The following SYNE2 variants were observed in gnomAD, a reference collection of about 807,000 sequenced individuals.
SYNE2 encodes the protein nesprin-2.
A neutral mutation model predicts 856.3 loss-of-function variants in SYNE2; 431 were observed. That is an observed-to-expected ratio of 0.50 (90% CI 0.47 to 0.55). The LOEUF is 0.55. SYNE2 is among the 20% of genes least tolerant of loss of function. The pLI is 0.00. For synonymous variants in SYNE2, 2,923 were observed against 2,872.3 expected, an observed-to-expected ratio of 1.02 and a Z score of -0.56; for missense variants, 8,129 against 8,023.2, an observed-to-expected ratio of 1.01 and a Z score of -0.50.
chr14:64,082,857 AT>A (rs1478675947), intron 57 of SYNE2, among the ~76,000 whole-genome samples: 2 of 152,210 alleles, frequency 1.3e-5, no homozygotes, highest in Non-Finnish European at 2.9e-5. Context: ...TACTCCACAC[AT>A]GCCCCACGTG....
rs112709560 is a variant in SYNE2, at chr14:63,772,250, G to T, written c.-305+10264G>T. Among the ~76,000 whole-genome samples, 1,094 of 151,770 alleles carry T rather than the reference G, an allele frequency of 7.2e-3. 16 individuals carry two copies. Among genetic ancestry groups the T allele is most frequent in the South Asian group, 0.022 (106 of 4,798 alleles). On this transcript the variant is annotated intron_variant, in intron 1 of 23. Coordinates refer to the SYNE2 transcript ENST00000674003. ...GCACCTGTGGTACCAGCTACTTGGG[G>T]GGCTGAGGTGGGAGGATTGCTTGAG... is the stretch of plus-strand genomic sequence containing the variant.
At chr14:64,098,680 T>C (rs768464583) in intron 62 of SYNE2, 67 bp from the exon 63 acceptor site, 3 of 1,542,606 alleles carry the variant, frequency 1.9e-6, no homozygotes, top group Non-Finnish European at 2.7e-6. Context: ...AAAATGCAGC[T>C]GGACTGGGAT....
At chr14:63,777,514 A>G (rs935803183) in intron 1 of SYNE2, among the ~76,000 whole-genome samples, 1 of 152,148 alleles carries the variant, frequency 6.6e-6, no homozygotes, top group African/African-American at 2.4e-5. Context: ...CCCTGCCTCA[A>G]ACAAAACAAA....
intron 98 of SYNE2, 106 bp downstream of exon 98, chr14:64,188,814 C>T (rs2098504122): frequency 8.0e-7 from 1 of 1,243,382 alleles, no homozygotes; most frequent in Admixed American, 1.9e-5. Flanking sequence ...TTTCCAGTAG[C>T]ATTTTAGAAA....
chr14:64,215,294 A>C lies in SYNE2; in HGVS notation c.19342A>C (p.Ile6448Leu), dbSNP rs746943422. The C allele has an allele frequency of 6.2e-7, 1 of 1,614,056 alleles. No individual in the cohort carries two copies. The highest frequency in any genetic ancestry group is 8.5e-7 in the Non-Finnish European group (1 of 1,180,036). ...PYYSALSDVE[I>L]PENPEAYLKM... The stretch of plus-strand genomic sequence containing the variant: ...ACATTGTTCTTTTTCAGATGTAGAA[A>C]TCCCTGAAAATCCTGAGGCATATCT... The change falls in exon 107 of 116, where the codon ATC (isoleucine) becomes CTC (leucine). Residue 6448 changes from isoleucine to leucine, a missense_variant. By Grantham distance (5) the Ile-to-Leu change is conservative. This residue lies in a region of SYNE2 where 5,410 missense variants were observed against 5,284.8 expected (regional missense o/e 1.02). Transcript: ENST00000555002.
intron 2 of SYNE2, among the ~76,000 whole-genome samples, chr14:63,935,771 C>T (rs1004416996): frequency 3.3e-5 from 5 of 152,144 alleles, no homozygotes; most frequent in East Asian, 3.9e-4. Context: ...TCCAGCGCTT[C>T]GGGAGGCCAA....
In SYNE2 at chr14:64,172,608, A is replaced by G. The variant is rs111864355; in HGVS notation, c.17235+2146A>G. Among the ~76,000 whole-genome samples the G allele has an allele frequency of 7.1e-4, 108 of 152,270 alleles. 1 individual carries two copies. The highest frequency in any genetic ancestry group is 2.5e-3 in the African/African-American group (104 of 41,556). ...CTGCCACACTCTAACAATGAAGGCT[A>G]TCATATGTGTCCACATGAGTTTGAG... On this transcript the variant is annotated intron_variant, in intron 94 of 115. Coordinates refer to ENST00000555002, the MANE Select transcript of SYNE2 (RefSeq NM_182914.3).
chr14:63,993,664 A>G (rs2096687580), intron 21 of SYNE2, among the ~76,000 whole-genome samples, 171 bp from the exon 22 acceptor site: 1 of 152,236 alleles, frequency 6.6e-6, no homozygotes, highest in South Asian at 2.1e-4. Flanking sequence ...TCAAAGGGCT[A>G]GCAACCTCGA....
At chr14:64,051,005 A>G (rs1281450029) in intron 47 of SYNE2, among the ~76,000 whole-genome samples, 4 of 150,626 alleles carry the variant, frequency 2.7e-5, no homozygotes, top group Non-Finnish European at 5.9e-5. Context: ...TGGGTGACAG[A>G]GTGAGACTCT....
At chr14:63,836,214 G>C (rs372697130) in intron 1 of SYNE2, among the ~76,000 whole-genome samples, 7 of 152,056 alleles carry the variant, frequency 4.6e-5, no homozygotes, top group African/African-American at 1.7e-4. Context: ...TGTAGAGATG[G>C]GGTTTCACCA....
At chr14:64,087,263 A>AT (rs891736434) in intron 57 of SYNE2, among the ~76,000 whole-genome samples, 2 of 152,098 alleles carry the variant, frequency 1.3e-5, no homozygotes, top group African/African-American at 4.8e-5. Context: ...CCTATCAGTT[A>AT]TTTTTTATGG....
intron 96 of SYNE2, among the ~76,000 whole-genome samples, chr14:64,181,147 T>C (rs1001523409): frequency 1.3e-5 from 2 of 152,316 alleles, no homozygotes; most frequent in South Asian, 2.1e-4. Context: ...CTTCAGAACA[T>C]TGTTAAGCAG....
intron 2 of SYNE2, among the ~76,000 whole-genome samples, chr14:63,922,264 C>G (rs1595654942): frequency 6.6e-6 from 1 of 152,302 alleles, no homozygotes; most frequent in East Asian, 1.9e-4. Context: ...CTCAGCCTCC[C>G]AAAGTGCTGA....
chr14:64,125,236 C>T (rs766268901), intron 71 of SYNE2, 26 bp downstream of exon 71: 5 of 1,613,622 alleles, frequency 3.1e-6, no homozygotes, highest in Non-Finnish European at 4.2e-6. Flanking sequence ...AATGTGTTTT[C>T]CTCATTGTAA....
Position 64,182,934 on chromosome 14 carries a change from G to T in SYNE2, c.17557-3490G>T, listed in dbSNP as rs1051089302. Among the ~76,000 whole-genome samples, 12 of 152,182 alleles carry T rather than the reference G, an allele frequency of 7.9e-5. No homozygotes were observed. In the East Asian group the frequency reaches 2.1e-3, roughly 27 times the overall value. On this transcript the variant is annotated intron_variant, in intron 96 of 115. Coordinates refer to ENST00000555002, the MANE Select transcript of SYNE2 (RefSeq NM_182914.3). Reference sequence around the variant, plus strand: ...TAGACGGGGTGACGGCTGGGCAGAGGGGCTCCTCACTTCCCAGAAGGGGCG... The same window carrying T: ...TAGACGGGGTGACGGCTGGGCAGAGTGGCTCCTCACTTCCCAGAAGGGGCG...
intron 56 of SYNE2, 90 bp from the exon 57 acceptor site, chr14:64,081,353 C>G: frequency 1.1e-5 from 17 of 1,552,074 alleles, no homozygotes; most frequent in Non-Finnish European, 1.5e-5. Flanking sequence ...TGACACACCC[C>G]TGACTAACAG....
At chr14:63,817,406 G>A (rs1889035012) in intron 1 of SYNE2, among the ~76,000 whole-genome samples, 1 of 152,078 alleles carries the variant, frequency 6.6e-6, no homozygotes, top group Non-Finnish European at 1.5e-5. Flanking sequence ...GGCAGAGGTT[G>A]CAGTAACCTG....
At chr14:64,096,692 A>C (rs1351152992) in intron 61 of SYNE2, among the ~76,000 whole-genome samples, 1 of 152,222 alleles carries the variant, frequency 6.6e-6, no homozygotes, top group Non-Finnish European at 1.5e-5. Context: ...TGTGCAGTAC[A>C]GCCAGGAGAA....
intron 1 of SYNE2, among the ~76,000 whole-genome samples, chr14:63,827,149 A>C (rs1018533829): frequency 6.6e-6 from 1 of 151,806 alleles, no homozygotes; most frequent in Non-Finnish European, 1.5e-5. Flanking sequence ...ATGGTGGCAC[A>C]TACCTGGAAT....
Sources: gnomAD v4.1 joint callset for allele counts (sites outside exome capture counted in the v4.1 genomes callset) on GRCh38, gnomAD v4.1.1 for gene constraint, gnomAD v4.1.1 regional missense constraint, MANE v1.5 for transcripts, NCBI Gene and HGNC (gene_info 2026-07-23, HGNC 2026-07-21) for gene names.